CDK5RAP2: variants seen among roughly 807,000 people sequenced by gnomAD.
CDK5RAP2 encodes CDK5 regulatory subunit-associated protein 2.
CDK5RAP2 carries 147 observed loss-of-function variants against 232.9 expected under a neutral mutation model. That is an observed-to-expected ratio of 0.63 (90% CI 0.55 to 0.72). The LOEUF is 0.72. Ranked by LOEUF, CDK5RAP2 falls within the 30% of genes least tolerant of loss-of-function variation. CDK5RAP2 has a pLI of 0.00. For synonymous variants in CDK5RAP2, 833 were observed against 833.7 expected, an observed-to-expected ratio of 1.00 and a Z score of 0.01; for missense variants, 2,195 against 2,231.5, an observed-to-expected ratio of 0.98 and a Z score of 0.33.
At position 120,403,962 on chromosome 9, in the gene CDK5RAP2, C is replaced by G. The variant is rs1014373110; in HGVS notation, c.5041+74G>C. ...CCTCCTGAGTTGGGACCAGGGACCCCCCTTTTCTGCAAGTTAAAAAGTCTT... is the reference window on the plus strand; with the variant it reads ...CCTCCTGAGTTGGGACCAGGGACCCGCCTTTTCTGCAAGTTAAAAAGTCTT... On this transcript the variant is annotated intron_variant, in intron 33 of 37. Coordinates refer to ENST00000349780, the MANE Select transcript of CDK5RAP2 (RefSeq NM_018249.6). This position sits in a 1 kb window ranked among gnomAD's most constrained non-coding sequence, Gnocchi z 4.2. 5.9e-6 allele frequency: 6 copies of G among 1,019,256 alleles called. No homozygotes were observed. The highest frequency in any genetic ancestry group is 3.1e-6 in the Non-Finnish European group (2 of 638,374). 63.1% of individuals were successfully genotyped at this position (1,019,256 alleles called of 1,614,324 possible).
At chr9:120,528,261 T>A (rs1223985445) in intron 9 of CDK5RAP2, among the ~76,000 whole-genome samples, 1 of 152,220 alleles carries the variant, frequency 6.6e-6, no homozygotes, top group Non-Finnish European at 1.5e-5. Context: ...AAATAACAGA[T>A]CATTAATTTC....
chr9:120,442,815 A>G (rs532283985), intron 23 of CDK5RAP2, among the ~76,000 whole-genome samples: 1 of 152,308 alleles, frequency 6.6e-6, no homozygotes, highest in East Asian at 1.9e-4. Context: ...GGACCTTGCA[A>G]AAGTATACAA....
intron 5 of CDK5RAP2, among the ~76,000 whole-genome samples, chr9:120,539,813 G>A (rs1225102700): frequency 1.3e-5 from 2 of 152,202 alleles, no homozygotes; most frequent in African/African-American, 4.8e-5. Context: ...TAAGATTCTG[G>A]ATAGCTATTG....
At chr9:120,443,587 G>A (rs1449309054) in intron 23 of CDK5RAP2, 33 bp downstream of exon 23, 6 of 1,612,592 alleles carry the variant, frequency 3.7e-6, no homozygotes, top group Non-Finnish European at 4.2e-6. Context: ...GCACATGGAA[G>A]CTGTTCAATA....
chr9:120,549,367 T>C (rs190924095), intron 4 of CDK5RAP2, among the ~76,000 whole-genome samples: 1 of 151,968 alleles, frequency 6.6e-6, no homozygotes, highest in Non-Finnish European at 1.5e-5. Context: ...GGTGGAAGAG[T>C]GTTTTCAGTG....
At chr9:120,515,843 G>A (rs1402323160) in intron 12 of CDK5RAP2, among the ~76,000 whole-genome samples, 1 of 152,224 alleles carries the variant, frequency 6.6e-6, no homozygotes, top group Non-Finnish European at 1.5e-5. Flanking sequence ...CAGTTAGAAT[G>A]GCGATCATTA....
chr9:120,550,048 G>T (rs1285742039), intron 4 of CDK5RAP2, among the ~76,000 whole-genome samples: 1 of 152,078 alleles, frequency 6.6e-6, no homozygotes, highest in South Asian at 2.1e-4. Context: ...CCAGGCCAAG[G>T]GCTAATCTAC....
chr9:120,521,921 A>G (rs1393992582), intron 11 of CDK5RAP2, among the ~76,000 whole-genome samples: 1 of 152,186 alleles, frequency 6.6e-6, no homozygotes, highest in African/African-American at 2.4e-5. Flanking sequence ...CTGGGATTAC[A>G]GGCACGAGCC....
intron 4 of CDK5RAP2, among the ~76,000 whole-genome samples, chr9:120,549,266 CACAA>C (rs1483296863): frequency 6.6e-6 from 1 of 152,100 alleles, no homozygotes; most frequent in Non-Finnish European, 1.5e-5. Flanking sequence ...CATACACACA[CACAA>C]ACACACGCTT....
Position 120,550,912 on chromosome 9 carries a change from A to G in CDK5RAP2, c.196-10T>C. The G allele has an allele frequency of 6.6e-7, 1 of 1,518,794 alleles. No individual in the cohort carries two copies. The highest frequency in any genetic ancestry group is 9.1e-7 in the Non-Finnish European group (1 of 1,093,054). 94.1% of individuals were successfully genotyped at this position (1,518,794 alleles called of 1,614,324 possible). ...TCAATTCAGTGATTTGCTGAAAAAT[A>G]TCACAGAAGGGTCATCAAAAGCAAA... On this transcript the variant is annotated splice_polypyrimidine_tract_variant and intron_variant, in intron 3 of 37. Coordinates refer to ENST00000349780, the MANE Select transcript of CDK5RAP2 (RefSeq NM_018249.6).
intron 4 of CDK5RAP2, among the ~76,000 whole-genome samples, chr9:120,548,018 G>T (rs2041912707): frequency 6.6e-6 from 1 of 152,120 alleles, no homozygotes; most frequent in African/African-American, 2.4e-5. Context: ...AAACATAAAA[G>T]CTCCCATGAC....
intron 3 of CDK5RAP2, among the ~76,000 whole-genome samples, chr9:120,557,013 G>GT (rs1460213659): frequency 6.6e-6 from 1 of 152,164 alleles, no homozygotes; most frequent in Non-Finnish European, 1.5e-5. Context: ...ATTTATGTAG[G>GT]TTGCTTAGAA....
intron 18 of CDK5RAP2, 108 bp from the exon 19 acceptor site, chr9:120,460,775 G>A (rs1368889574): frequency 1.6e-5 from 24 of 1,532,442 alleles, no homozygotes; most frequent in Middle Eastern, 1.7e-4. Flanking sequence ...AAAACAAAAA[G>A]CAAACAAAAA....
intron 12 of CDK5RAP2, among the ~76,000 whole-genome samples, chr9:120,499,780 G>C (rs1455051277): frequency 6.6e-6 from 1 of 152,124 alleles, no homozygotes; most frequent in African/African-American, 2.4e-5. Flanking sequence ...CCAAAATACA[G>C]TCATGGCAAT....
At chr9:120,462,086 T>C (rs1417754132) in intron 18 of CDK5RAP2, among the ~76,000 whole-genome samples, 1 of 152,218 alleles carries the variant, frequency 6.6e-6, no homozygotes, top group Non-Finnish European at 1.5e-5. Flanking sequence ...TCAGTTTTTA[T>C]AGAAACTTCC....
In CDK5RAP2 at chr9:120,528,732, G is replaced by C. The variant is rs372601631; in HGVS notation, c.879+12C>G. The C allele has an allele frequency of 4.5e-6, 7 of 1,546,356 alleles. No homozygotes were observed. The highest frequency in any genetic ancestry group is 5.4e-6 in the Non-Finnish European group (6 of 1,117,888). Reference sequence around the variant, plus strand: ...AATCTTCAATACATTTTTTAAAATTGTATCAACATACCTGGATCCTCTCTT... The same window carrying C: ...AATCTTCAATACATTTTTTAAAATTCTATCAACATACCTGGATCCTCTCTT... On this transcript the variant is annotated intron_variant, in intron 9 of 37. Transcript: ENST00000349780.
chr9:120,487,179 CA>C (rs2038656546), intron 14 of CDK5RAP2, 114 bp downstream of exon 14: 1 of 1,106,566 alleles, frequency 9.0e-7, no homozygotes, highest in Middle Eastern at 2.0e-4. Context: ...GTTGTAGGCT[CA>C]GTTACCAACA....
At position 120,439,843 on chromosome 9, in the gene CDK5RAP2, C is replaced by G. The variant is rs765634414; in HGVS notation, c.3278G>C (p.Ser1093Thr). 8 of 1,614,054 alleles carry G rather than the reference C, an allele frequency of 5.0e-6. No individual in the cohort carries two copies. Among genetic ancestry groups the G allele is most frequent in the East Asian group, 4.5e-5 (2 of 44,890 alleles). ...SSKSQPSAKV[S>T]VMGTDQSESI... Reference sequence around the variant, plus strand: ...CTCTGACTGATCAGTCCCCATCACACTGACTTTAGCAGAAGGCTGACTCTT... The same window carrying G: ...CTCTGACTGATCAGTCCCCATCACAGTGACTTTAGCAGAAGGCTGACTCTT... The change falls in exon 24 of 38, where the codon AGT becomes ACT. Residue 1093 changes from serine to threonine, a missense_variant. By Grantham distance (58) the Ser-to-Thr change is moderately conservative. Coordinates refer to ENST00000349780, the MANE Select transcript of CDK5RAP2 (RefSeq NM_018249.6).
At chr9:120,564,828 CAT>C (rs2042591336) in intron 3 of CDK5RAP2, among the ~76,000 whole-genome samples, 1 of 152,168 alleles carries the variant, frequency 6.6e-6, no homozygotes, top group Non-Finnish European at 1.5e-5. Flanking sequence ...ACCCAAAAAA[CAT>C]GTTTTTTAAA....
Sources: allele counts gnomAD v4.1 joint callset (sites outside exome capture counted in the v4.1 genomes callset), GRCh38; gene constraint gnomAD v4.1.1; non-coding constraint Gnocchi (gnomAD v3.1); transcripts MANE v1.5; gene names NCBI Gene and HGNC (gene_info 2026-07-23, HGNC 2026-07-21).